SRBD1: variants seen among roughly 807,000 people sequenced by gnomAD.
The protein encoded by SRBD1 is S1 RNA-binding domain-containing protein 1.
A neutral mutation model predicts 115.3 loss-of-function variants in SRBD1; 88 were observed. The observed-to-expected ratio is 0.76, with a 90% CI of 0.64 to 0.91. The LOEUF (loss-of-function observed/expected upper bound fraction) is 0.91, where lower values mean the gene tolerates loss of function less well. Ranked by LOEUF, SRBD1 falls within the 40% of genes least tolerant of loss-of-function variation. The pLI, the probability that SRBD1 is intolerant of heterozygous loss-of-function variation, is 0.00. For missense variants in SRBD1, 1,385 were observed against 1,177.4 expected (o/e 1.18, Z -2.58); for synonymous variants, 509 against 407.7 (o/e 1.25, Z -2.99).
At chr2:45,535,112 C>T (rs896832676) in intron 14 of SRBD1, among the ~76,000 whole-genome samples, 1 of 151,980 alleles carries the variant, frequency 6.6e-6, no homozygotes, top group African/African-American at 2.4e-5. Context: ...AAGCATGTCT[C>T]CAAATCTTGA....
chr2:45,436,130 A>G (rs1668490538), intron 16 of SRBD1, among the ~76,000 whole-genome samples: 1 of 152,128 alleles, frequency 6.6e-6, no homozygotes, highest in Admixed American at 6.5e-5. Flanking sequence ...GGAATCTATC[A>G]CATCAACAAG....
At chr2:45,496,716 T>G (rs1670470919) in intron 14 of SRBD1, among the ~76,000 whole-genome samples, 1 of 152,134 alleles carries the variant, frequency 6.6e-6, no homozygotes, top group Admixed American at 6.5e-5. Flanking sequence ...TTACATTTGT[T>G]TATCTCTCTC....
At chr2:45,459,601 G>T (rs1223694245) in intron 16 of SRBD1, among the ~76,000 whole-genome samples, 1 of 152,066 alleles carries the variant, frequency 6.6e-6, no homozygotes, top group Admixed American at 6.6e-5. Flanking sequence ...TTTAAACAAA[G>T]AACTACTAAA....
chr2:45,594,142 C>T (rs1198420323), intron 4 of SRBD1, among the ~76,000 whole-genome samples: 3 of 152,132 alleles, frequency 2.0e-5, no homozygotes, highest in Non-Finnish European at 4.4e-5. Flanking sequence ...GTGGTTCCAC[C>T]TTTATACACA....
intron 16 of SRBD1, among the ~76,000 whole-genome samples, chr2:45,437,357 T>TAAA (rs144108756): frequency 0.03 from 4,077 of 133,862 alleles, 237 homozygotes; most frequent in African/African-American, 0.11. Flanking sequence ...AGTATTGGTT[T>TAAA]AAAAAAAAAA....
intron 4 of SRBD1, among the ~76,000 whole-genome samples, chr2:45,587,979 C>G (rs1010373172): frequency 6.6e-5 from 10 of 152,182 alleles, no homozygotes; most frequent in Admixed American, 2.0e-4. Flanking sequence ...ACTCCTTCAA[C>G]TCTTAAATCC....
At chr2:45,503,089 T>C (rs1028140385) in intron 14 of SRBD1, among the ~76,000 whole-genome samples, 2 of 152,206 alleles carry the variant, frequency 1.3e-5, no homozygotes, top group African/African-American at 2.4e-5. Flanking sequence ...CCTTGAACTA[T>C]GTGAAAGCTT....
At chr2:45,582,755 G>C (rs1673403957) in intron 5 of SRBD1, among the ~76,000 whole-genome samples, 1 of 151,978 alleles carries the variant, frequency 6.6e-6, no homozygotes, top group Non-Finnish European at 1.5e-5. Flanking sequence ...GATATTTCAG[G>C]CTTATCTTCT....
chr2:45,428,530 C>T (rs189903826), intron 16 of SRBD1, among the ~76,000 whole-genome samples: 53 of 151,380 alleles, frequency 3.5e-4, no homozygotes, highest in African/African-American at 1.2e-3. Flanking sequence ...CCAGCCTCGG[C>T]GACAGAACGA....
At chr2:45,404,498 C>A (rs957381745) in intron 19 of SRBD1, among the ~76,000 whole-genome samples, 1 of 152,054 alleles carries the variant, frequency 6.6e-6, no homozygotes, top group Non-Finnish European at 1.5e-5. Flanking sequence ...ATTATTTTTG[C>A]CATTTGTAAC....
chr2:45,460,441 GA>G (rs1330016367), intron 16 of SRBD1, among the ~76,000 whole-genome samples: 3 of 152,202 alleles, frequency 2.0e-5, no homozygotes, highest in Non-Finnish European at 4.4e-5. Context: ...GCAGCTCACA[GA>G]AGGTTGGAAG....
At chr2:45,543,255 C>G (rs748573) in intron 14 of SRBD1, among the ~76,000 whole-genome samples, 42,230 of 152,064 alleles carry the variant, frequency 0.28, 6,039 homozygotes, top group African/African-American at 0.34. Flanking sequence ...AGAATTTGCA[C>G]CTTTGGATGA....
chr2:45,406,348 A>C (rs1667436726), intron 19 of SRBD1, among the ~76,000 whole-genome samples: 1 of 152,214 alleles, frequency 6.6e-6, no homozygotes, highest in African/African-American at 2.4e-5. Flanking sequence ...TCACCAGGTG[A>C]ATGTCAGAAG....
At chr2:45,513,186 C>A (rs1671021278) in intron 14 of SRBD1, among the ~76,000 whole-genome samples, 1 of 152,140 alleles carries the variant, frequency 6.6e-6, no homozygotes, top group Admixed American at 6.6e-5. Context: ...AAGAACATAT[C>A]CATAGGATAG....
intron 14 of SRBD1, among the ~76,000 whole-genome samples, chr2:45,513,437 C>G (rs1370356154): frequency 6.9e-6 from 1 of 144,356 alleles, no homozygotes; most frequent in South Asian, 2.1e-4. Flanking sequence ...AAAAAAACAA[C>G]TGACCAGTTA....
chr2:45,413,003 G>T, intron 19 of SRBD1, 111 bp downstream of exon 19: 1 of 1,231,748 alleles, frequency 8.1e-7, no homozygotes, highest in Non-Finnish European at 1.1e-6. Context: ...GAAAAATGTT[G>T]TCACATTAAA....
chr2:45,526,454 G>T (rs1237221377), intron 14 of SRBD1, among the ~76,000 whole-genome samples: 2 of 151,934 alleles, frequency 1.3e-5, no homozygotes, highest in African/African-American at 4.8e-5. Context: ...GAGTAGGGAA[G>T]GTGAGAATGC....
intron 16 of SRBD1, among the ~76,000 whole-genome samples, chr2:45,435,752 G>T (rs1189795134): frequency 6.6e-6 from 1 of 152,002 alleles, no homozygotes. Context: ...CTGGAGAAAG[G>T]ATTACACTAC....
chr2:45,579,230 T>C (rs1673271198), intron 7 of SRBD1, among the ~76,000 whole-genome samples: 1 of 152,236 alleles, frequency 6.6e-6, no homozygotes, highest in Non-Finnish European at 1.5e-5. Context: ...TATTCTCTGT[T>C]GTGCATGCAC....
Sources: allele counts gnomAD v4.1 joint callset (sites outside exome capture counted in the v4.1 genomes callset), GRCh38; gene constraint gnomAD v4.1.1; transcripts MANE v1.5; gene names NCBI Gene and HGNC (gene_info 2026-07-23, HGNC 2026-07-21).